GOT2: variants seen among roughly 807,000 people sequenced by gnomAD.
The protein encoded by GOT2 is glutamic-oxaloacetic transaminase 2.
In GOT2, 17 loss-of-function variants were observed where a neutral mutation model predicts 50.0. The ratio of observed to expected loss-of-function variants is 0.34; its 90% CI spans 0.23 to 0.51. The LOEUF is 0.51. Ranked by LOEUF, GOT2 falls within the 20% of genes least tolerant of loss-of-function variation. The pLI is 0.97. For missense variants in GOT2, 430 were observed against 559.6 expected (o/e 0.77, Z 2.34); for synonymous variants, 172 against 204.9 (o/e 0.84, Z 1.37).
intron 1 of GOT2, among the ~76,000 whole-genome samples, chr16:58,732,967 C>T (rs1268469214): frequency 6.6e-6 from 1 of 152,130 alleles, no homozygotes; most frequent in Non-Finnish European, 1.5e-5. Context: ...AGTGCGAAGC[C>T]TGGGCAAAAC....
At chr16:58,720,730 C>T (rs760955932) in intron 3 of GOT2, among the ~76,000 whole-genome samples, 1 of 151,996 alleles carries the variant, frequency 6.6e-6, no homozygotes, top group Non-Finnish European at 1.5e-5. Flanking sequence ...AGGCGTGCAC[C>T]ACCACACCTG....
At chr16:58,708,628 A>ATT (rs2044622019) in intron 9 of GOT2, among the ~76,000 whole-genome samples, 1 of 18,192 alleles carries the variant, frequency 5.5e-5, no homozygotes, top group African/African-American at 1.7e-4. Context: ...CAAAAAAAGA[A>ATT]AAAAAAAAAA....
At chr16:58,715,701 C>T (rs1467738828) in intron 8 of GOT2, among the ~76,000 whole-genome samples, 5 of 152,188 alleles carry the variant, frequency 3.3e-5, no homozygotes, top group African/African-American at 1.2e-4. Context: ...TACAGGCATG[C>T]ACCACCACAT....
intron 4 of GOT2, 78 bp from the exon 5 acceptor site, chr16:58,718,766 A>T (rs541832567): frequency 9.0e-6 from 11 of 1,224,502 alleles, no homozygotes; most frequent in Non-Finnish European, 1.0e-5. Flanking sequence ...TATTGAGAGA[A>T]CATTTTTCTC....
At chr16:58,733,694 G>T (rs1191882360) in intron 1 of GOT2, among the ~76,000 whole-genome samples, 2 of 152,008 alleles carry the variant, frequency 1.3e-5, no homozygotes, top group Non-Finnish European at 2.9e-5. Flanking sequence ...GCACACACGC[G>T]GCAGCCAGCC....
At chr16:58,733,594 C>A (rs1346121573) in intron 1 of GOT2, among the ~76,000 whole-genome samples, 1 of 152,178 alleles carries the variant, frequency 6.6e-6, no homozygotes, top group African/African-American at 2.4e-5. Context: ...CAGGAGAATG[C>A]CGCACGCCAA....
chr16:58,715,131 C>A (rs1490471912), intron 8 of GOT2, among the ~76,000 whole-genome samples: 1 of 152,006 alleles, frequency 6.6e-6, no homozygotes, highest in Non-Finnish European at 1.5e-5. Flanking sequence ...ATCATTTGAG[C>A]CCAGGAGTTT....
intron 8 of GOT2, among the ~76,000 whole-genome samples, chr16:58,711,059 A>AT (rs2044644154): frequency 6.6e-6 from 1 of 152,084 alleles, no homozygotes; most frequent in Non-Finnish European, 1.5e-5. Context: ...AAAAAAAAAA[A>AT]ATGACCTTAT....
rs1567489550 is a variant in GOT2 at position 58,723,834 on chromosome 16, C to T, written c.158G>A (p.Arg53Lys). 4 of 1,613,214 alleles carry T rather than the reference C, an allele frequency of 2.5e-6. No homozygotes were observed. The African/African-American group carries it at 5.3e-5, about 22-fold the overall frequency. ...ATTCATCTTTTTGCTATTGGTGTCC[C>T]TCTTAAAGGCTTCAGTGACTCCCAG... The part of the protein sequence containing the change: ...PILGVTEAFK[R>K]DTNSKKMNLG... The change falls in exon 2 of 10, where the codon AGG becomes AAG. Residue 53 changes from arginine to lysine, a missense_variant. Physicochemically the swap from Arg to Lys is conservative, Grantham distance 26 (BLOSUM62 2). Coordinates refer to ENST00000245206, the MANE Select transcript of GOT2 (RefSeq NM_002080.4).
At chr16:58,710,362 A>G (rs2044636525) in intron 8 of GOT2, among the ~76,000 whole-genome samples, 1 of 151,008 alleles carries the variant, frequency 6.6e-6, no homozygotes, top group African/African-American at 2.4e-5. Context: ...TGGGACCACA[A>G]GTGCATTCCA....
chr16:58,717,071 G>C (rs978243437), intron 6 of GOT2, among the ~76,000 whole-genome samples: 4 of 152,194 alleles, frequency 2.6e-5, no homozygotes, highest in Non-Finnish European at 4.4e-5. Context: ...AGATTTGACA[G>C]AAGTTAAAGA....
chr16:58,722,275 C>T lies in GOT2; in HGVS notation c.250G>A (p.Glu84Lys). Residue 84 changes from glutamate to lysine, a missense_variant, in exon 3 of 10, where the codon GAG becomes AAG. Transcript: ENST00000245206. ...PYVLPSVRKA[E>K]AQIAAKNLDK... ...AAATTTTTTGCGGCAATCTGGGCCTCTGCCTAGACAAGAGAAAATACATCC... is the reference window on the plus strand; with the variant it reads ...AAATTTTTTGCGGCAATCTGGGCCTTTGCCTAGACAAGAGAAAATACATCC... The T allele has an allele frequency of 6.2e-7, 1 of 1,613,274 alleles. No individual in the cohort carries two copies. Among genetic ancestry groups the T allele is most frequent in the East Asian group, 2.2e-5 (1 of 44,882 alleles).
chr16:58,717,624 C>T (rs1324924071), intron 6 of GOT2, among the ~76,000 whole-genome samples: 4 of 152,222 alleles, frequency 2.6e-5, no homozygotes, highest in African/African-American at 7.2e-5. Flanking sequence ...CAACAGCAGA[C>T]ATCCTGGGGC....
chr16:58,707,929 G>T lies in GOT2; in HGVS notation c.*242C>A. The stretch of plus-strand genomic sequence containing the variant: ...TGCACATGTAAACTCTTTGAGAAAA[G>T]TTGGAGAAAAAAGGACCGGGGAGAG... On this transcript the variant is annotated 3_prime_UTR_variant, in exon 10 of 10. Transcript: ENST00000245206. The T allele has an allele frequency of 3.0e-6, 1 of 333,476 alleles. No homozygotes were observed. Among genetic ancestry groups the T allele is most frequent in the Non-Finnish European group, 5.4e-6 (1 of 183,626 alleles). 20.7% of individuals were successfully genotyped at this position (333,476 alleles called of 1,614,324 possible). A position where few individuals can be genotyped will look rare whatever the true frequency, so the allele number is the denominator to read the frequency against.
Position 58,716,888 on chromosome 16 carries a change from A to T in GOT2, c.703-75T>A. 2.8e-6 allele frequency: 4 copies of T among 1,405,824 alleles called. No individual in the cohort carries two copies. The South Asian group carries it at 4.9e-5, about 17-fold the overall frequency. The allele number at this position is 1,405,824 out of a possible 1,614,324, so 87.1% of individuals were successfully genotyped here. ...CCAGATGTTTATAAAAGTCTGAAAG[A>T]TGTTTATGTGAGGTGGGCATGGTCC... is the stretch of plus-strand genomic sequence containing the variant. On this transcript the variant is annotated intron_variant, in intron 6 of 9. Transcript: ENST00000245206.
chr16:58,731,478 T>G (rs2044834723), intron 1 of GOT2, among the ~76,000 whole-genome samples: 1 of 152,210 alleles, frequency 6.6e-6, no homozygotes. Flanking sequence ...GGTACCACAG[T>G]TGCACACTGC....
intron 3 of GOT2, among the ~76,000 whole-genome samples, chr16:58,721,250 TC>T (rs1276271377): frequency 6.6e-6 from 1 of 152,172 alleles, no homozygotes; most frequent in Non-Finnish European, 1.5e-5. Context: ...GTTTCTTCAC[TC>T]CCCAGGCTTA....
Position 58,707,970 on chromosome 16 carries a change from C to T in GOT2, c.*201G>A, listed in dbSNP as rs533554241. On this transcript the variant is annotated 3_prime_UTR_variant, in exon 10 of 10. Transcript: ENST00000245206. ...CCGGGGAGAGTTTGGTTTAATATTC[C>T]AGACGCCAGCCATGGATGCCTCTGC... is the stretch of plus-strand genomic sequence containing the variant. 178 of 405,284 alleles carry T rather than the reference C, an allele frequency of 4.4e-4. 1 individual carries two copies. The highest frequency in any genetic ancestry group is 2.1e-3 in the South Asian group (26 of 12,098). The allele number at this position is 405,284 out of a possible 1,614,324, so 25.1% of individuals were successfully genotyped here. A position where few individuals can be genotyped will look rare whatever the true frequency, so the allele number is the denominator to read the frequency against.
At chr16:58,712,528 C>G (rs2044657385) in intron 8 of GOT2, among the ~76,000 whole-genome samples, 1 of 151,690 alleles carries the variant, frequency 6.6e-6, no homozygotes, top group African/African-American at 2.4e-5. Context: ...ACAAGAACAA[C>G]AACAACAACA....
Sources: gnomAD v4.1 joint callset for allele counts (sites outside exome capture counted in the v4.1 genomes callset) on GRCh38, gnomAD v4.1.1 for gene constraint, MANE v1.5 for transcripts, NCBI Gene and HGNC (gene_info 2026-07-23, HGNC 2026-07-21) for gene names.